The following CACNA2D3 variants were observed in gnomAD, a reference collection of about 807,000 sequenced individuals.
CACNA2D3 encodes the protein voltage-dependent calcium channel subunit alpha-2/delta-3.
A neutral mutation model predicts 160.6 loss-of-function variants in CACNA2D3; 60 were observed. That is an observed-to-expected ratio of 0.37 (90% CI 0.30 to 0.46). The LOEUF (loss-of-function observed/expected upper bound fraction) is 0.46. Among genes scored for constraint, CACNA2D3 ranks in the 20% least tolerant of loss-of-function variants. The pLI, the probability that CACNA2D3 is intolerant of heterozygous loss-of-function variation, is 1.00. For missense variants in CACNA2D3, 1,205 were observed against 1,365.0 expected (o/e 0.88, Z 1.85); for synonymous variants, 558 against 492.9 (o/e 1.13, Z -1.75).
At chr3:54,763,649 ATATATG>A (rs1436989354) in intron 12 of CACNA2D3, among the ~76,000 whole-genome samples, 1 of 128,850 alleles carries the variant, frequency 7.8e-6, no homozygotes, top group African/African-American at 2.9e-5. Context: ...GTGTGTGTAT[ATATATG>A]TGTGTGTGTG....
intron 11 of CACNA2D3, among the ~76,000 whole-genome samples, chr3:54,732,389 C>CT (rs1701409009): frequency 6.6e-6 from 1 of 152,158 alleles, no homozygotes; most frequent in African/African-American, 2.4e-5. Context: ...CCATGACTGA[C>CT]TTTAAGGGCT....
Position 54,702,899 on chromosome 3 carries a change from T to TA in CACNA2D3, c.1168-49695dup, listed in dbSNP as rs1405479435. ...CACATCATGGAATACTACATAGCCA[T>TA]AAAAAGAATGAAATCACATCCTTTG... On this transcript the variant is annotated intron_variant, in intron 11 of 37. Coordinates refer to ENST00000474759, the MANE Select transcript of CACNA2D3 (RefSeq NM_018398.3). Among the ~76,000 whole-genome samples, 13 of 152,296 alleles carry TA rather than the reference T, an allele frequency of 8.5e-5. No homozygotes were observed. The South Asian group carries it at 1.4e-3, about 17-fold the overall frequency.
At position 54,320,398 on chromosome 3, in the gene CACNA2D3, T is replaced by G. The variant is rs554355909; in HGVS notation, c.205-44T>G. 1.4e-5 allele frequency: 14 copies of G among 966,596 alleles called. No individual in the cohort carries two copies. The South Asian group carries it at 2.1e-4, about 14-fold the overall frequency. 59.9% of individuals were successfully genotyped at this position (966,596 alleles called of 1,614,324 possible). On this transcript the variant is annotated intron_variant, in intron 2 of 37. Transcript: ENST00000474759. ...TGGTCTGAAATCACAGCTGTGGTGT[T>G]TTACGGTGTCATGTGTCTTGAATGT...
At chr3:54,448,164 A>G (rs549196457) in intron 4 of CACNA2D3, among the ~76,000 whole-genome samples, 1 of 152,282 alleles carries the variant, frequency 6.6e-6, no homozygotes, top group Non-Finnish European at 1.5e-5. Flanking sequence ...TGCCAGCCTC[A>G]CATCCTTCCA....
chr3:54,815,868 G>T (rs748688847), intron 13 of CACNA2D3, among the ~76,000 whole-genome samples: 6 of 152,160 alleles, frequency 3.9e-5, no homozygotes, highest in Non-Finnish European at 8.8e-5. Flanking sequence ...GTAAATCTTC[G>T]TAATGATGTA....
chr3:54,138,428 C>T (rs1041249970), intron 2 of CACNA2D3, among the ~76,000 whole-genome samples: 1 of 152,178 alleles, frequency 6.6e-6, no homozygotes, highest in Non-Finnish European at 1.5e-5. Context: ...TGGTATTTTG[C>T]CTAGCACCTA....
chr3:54,274,732 C>T (rs1403651143), intron 2 of CACNA2D3, among the ~76,000 whole-genome samples: 5 of 152,150 alleles, frequency 3.3e-5, no homozygotes, highest in African/African-American at 4.8e-5. Flanking sequence ...CCTGAAGGCT[C>T]GGCTAGGGGG....
chr3:54,877,428 C>T (rs1699687951), intron 18 of CACNA2D3, among the ~76,000 whole-genome samples: 1 of 152,144 alleles, frequency 6.6e-6, no homozygotes. Context: ...AGGCACCAGA[C>T]ACTCTTCTAA....
At chr3:54,124,494 GA>G (rs1199560271) in intron 2 of CACNA2D3, among the ~76,000 whole-genome samples, 1 of 152,170 alleles carries the variant, frequency 6.6e-6, no homozygotes, top group Admixed American at 6.5e-5. Flanking sequence ...ATAATTCTCT[GA>G]AAATGGGTAC....
Position 55,073,367 on chromosome 3 carries a change from C to T in CACNA2D3, c.2988-78C>T. 4.7e-6 allele frequency: 5 copies of T among 1,054,168 alleles called. No homozygotes were observed. The South Asian group carries it at 5.2e-5, about 11-fold the overall frequency. The allele number at this position is 1,054,168 out of a possible 1,614,324, so 65.3% of individuals were successfully genotyped here. A position where few individuals can be genotyped will look rare whatever the true frequency, so the allele number is the denominator to read the frequency against. On this transcript the variant is annotated intron_variant, in intron 35 of 37. Transcript: ENST00000474759. ...TTACAAAATATGGTAGTTGCTACCA[C>T]CCAGGAGAGAAGTCTTCCTCATGGC...
chr3:54,758,427 A>C (rs541496854), intron 12 of CACNA2D3, among the ~76,000 whole-genome samples: 175 of 151,916 alleles, frequency 1.2e-3, no homozygotes, highest in African/African-American at 3.8e-3. Context: ...CCCTGCCCTC[A>C]ATGTCCATTC....
chr3:54,905,774 T>C (rs1700438104), intron 27 of CACNA2D3, among the ~76,000 whole-genome samples: 2 of 152,166 alleles, frequency 1.3e-5, no homozygotes, highest in South Asian at 4.1e-4. Flanking sequence ...CAAAGAATTA[T>C]GTGGTTCACA....
chr3:54,347,471 A>G (rs1280656967), intron 3 of CACNA2D3, among the ~76,000 whole-genome samples: 3 of 152,180 alleles, frequency 2.0e-5, no homozygotes, highest in African/African-American at 7.2e-5. Context: ...TTAGACGGCA[A>G]CTTAAGATGA....
intron 35 of CACNA2D3, among the ~76,000 whole-genome samples, chr3:55,033,137 GGTCCTACAGGGA>G (rs1703715724): frequency 6.6e-6 from 1 of 152,114 alleles, no homozygotes; most frequent in Non-Finnish European, 1.5e-5. Context: ...GCTTGCCTGA[GGTCCTACAGGGA>G]GGAAGCCCCT....
intron 2 of CACNA2D3, among the ~76,000 whole-genome samples, chr3:54,227,101 A>G (rs1415132775): frequency 1.3e-5 from 2 of 152,238 alleles, no homozygotes; most frequent in Admixed American, 6.5e-5. Context: ...TGAAGATGGC[A>G]GAACATGTTG....
chr3:54,201,018 TA>T (rs1280960647), intron 2 of CACNA2D3, among the ~76,000 whole-genome samples: 1 of 152,248 alleles, frequency 6.6e-6, no homozygotes, highest in Non-Finnish European at 1.5e-5. Flanking sequence ...GAGCCACACA[TA>T]ATGCTACTGA....
intron 23 of CACNA2D3, among the ~76,000 whole-genome samples, chr3:54,886,084 A>G (rs1412760337): frequency 6.6e-6 from 1 of 152,066 alleles, no homozygotes; most frequent in Admixed American, 6.5e-5. Flanking sequence ...TGAGTAGGAA[A>G]TCTCTCAGCT....
intron 3 of CACNA2D3, among the ~76,000 whole-genome samples, chr3:54,362,662 C>T (rs1320610262): frequency 2.0e-5 from 3 of 152,164 alleles, no homozygotes; most frequent in African/African-American, 4.8e-5. Flanking sequence ...AATCCAGTGC[C>T]GACAAAGCAG....
At chr3:54,662,125 T>G (rs554695513) in intron 11 of CACNA2D3, among the ~76,000 whole-genome samples, 1 of 152,216 alleles carries the variant, frequency 6.6e-6, no homozygotes, top group South Asian at 2.1e-4. Flanking sequence ...GCTCAGTTCG[T>G]TAGCACATAG....
Sources: gnomAD v4.1 joint callset for allele counts (sites outside exome capture counted in the v4.1 genomes callset) on GRCh38, gnomAD v4.1.1 for gene constraint, MANE v1.5 for transcripts, NCBI Gene and HGNC (gene_info 2026-07-23, HGNC 2026-07-21) for gene names.